The following IGSF21 variants were observed in gnomAD, a reference collection of about 807,000 sequenced individuals.
The protein encoded by IGSF21 is immunoglobulin superfamily member 21.
IGSF21 carries 28 observed loss-of-function variants against 46.8 expected under a neutral mutation model. The observed-to-expected ratio is 0.60, with a 90% CI of 0.44 to 0.82. The LOEUF (loss-of-function observed/expected upper bound fraction) is 0.82, where lower values mean the gene tolerates loss of function less well. Ranked by LOEUF, IGSF21 falls within the 40% of genes least tolerant of loss-of-function variation. The pLI, the probability that IGSF21 is intolerant of heterozygous loss-of-function variation, is 0.00. For synonymous variants in IGSF21, 284 were observed against 273.6 expected (o/e 1.04, Z -0.38); for missense variants, 624 against 665.5 (o/e 0.94, Z 0.69).
intron 1 of IGSF21, among the ~76,000 whole-genome samples, chr1:18,125,462 C>T (rs182941848): frequency 7.9e-5 from 12 of 152,096 alleles, no homozygotes; most frequent in South Asian, 2.1e-4. Flanking sequence ...AGGACAGATA[C>T]GGCTACCTCG....
chr1:18,305,867 A>T (rs989498572), intron 3 of IGSF21, among the ~76,000 whole-genome samples: 48 of 152,328 alleles, frequency 3.2e-4, no homozygotes, highest in African/African-American at 9.6e-4. Context: ...AAGGAAGGAG[A>T]TGATCGGACA....
At chr1:18,180,212 G>A (rs2086843164) in intron 1 of IGSF21, among the ~76,000 whole-genome samples, 1 of 152,246 alleles carries the variant, frequency 6.6e-6, no homozygotes, top group South Asian at 2.1e-4. Flanking sequence ...GTGGCGAGGT[G>A]TAGATGTTTA....
intron 1 of IGSF21, among the ~76,000 whole-genome samples, chr1:18,204,877 G>T (rs1185788143): frequency 6.6e-6 from 1 of 152,156 alleles, no homozygotes; most frequent in African/African-American, 2.4e-5. Flanking sequence ...GACTTGCAGA[G>T]AAAAACTACT....
intron 4 of IGSF21, among the ~76,000 whole-genome samples, chr1:18,357,537 G>A (rs1374759428): frequency 6.6e-6 from 1 of 151,202 alleles, no homozygotes; most frequent in Non-Finnish European, 1.5e-5. Flanking sequence ...AGTGGGGTGG[G>A]AATAGGAATA....
rs527735446 is a variant in IGSF21 at position 18,163,050 on chromosome 1, C to A, written c.70+54852C>A. Among the ~76,000 whole-genome samples the A allele has an allele frequency of 1.1e-4, 17 of 152,136 alleles. 1 individual carries two copies. Among genetic ancestry groups the A allele is most frequent in the Middle Eastern group, 6.8e-3 (2 of 294 alleles). On this transcript the variant is annotated intron_variant, in intron 1 of 9. Transcript: ENST00000251296. ...GACATGGGGAGGTTAAATTAATCCCCAGTCATTCTAGGGTGATTCTTCTGA... is the reference window on the plus strand; with the variant it reads ...GACATGGGGAGGTTAAATTAATCCCAAGTCATTCTAGGGTGATTCTTCTGA...
intron 1 of IGSF21, among the ~76,000 whole-genome samples, chr1:18,213,674 A>G (rs1285703353): frequency 6.6e-6 from 1 of 152,266 alleles, no homozygotes. Context: ...TCTGGGCAAC[A>G]CACACACAGC....
At chr1:18,361,479 C>G (rs929829090) in intron 4 of IGSF21, 8 of 152,402 alleles carry the variant, frequency 5.2e-5, no homozygotes, top group South Asian at 2.1e-4. Context: ...AAGTCATAAT[C>G]CCCCTGACAG....
chr1:18,269,216 G>C (rs140581235), intron 2 of IGSF21, among the ~76,000 whole-genome samples: 6 of 152,168 alleles, frequency 3.9e-5, no homozygotes, highest in Admixed American at 3.9e-4. Flanking sequence ...GGTGAGGGTG[G>C]CTGCTGATGC....
intron 7 of IGSF21, 135 bp downstream of exon 7, chr1:18,376,530 A>T: frequency 1.3e-6 from 1 of 773,454 alleles, no homozygotes. Context: ...TCAGTTTCCC[A>T]ATGTGTAATT....
chr1:18,313,419 CA>C (rs2085508686), intron 3 of IGSF21, among the ~76,000 whole-genome samples: 1 of 152,224 alleles, frequency 6.6e-6, no homozygotes, highest in East Asian at 1.9e-4. Context: ...GAATCCTAGG[CA>C]AGTCACTCAT....
chr1:18,291,621 A>C (rs1016484516), intron 2 of IGSF21, among the ~76,000 whole-genome samples: 1 of 152,158 alleles, frequency 6.6e-6, no homozygotes, highest in Admixed American at 6.5e-5. Flanking sequence ...TTCCTGCCGC[A>C]GGGCCTTTGC....
At chr1:18,228,213 G>T (rs1402595908) in intron 2 of IGSF21, among the ~76,000 whole-genome samples, 1 of 152,078 alleles carries the variant, frequency 6.6e-6, no homozygotes, top group Non-Finnish European at 1.5e-5. Flanking sequence ...GGACTGATCT[G>T]GTTTCCACCT....
intron 6 of IGSF21, among the ~76,000 whole-genome samples, chr1:18,375,643 G>A (rs2086272895): frequency 6.6e-6 from 1 of 152,202 alleles, no homozygotes; most frequent in South Asian, 2.1e-4. Flanking sequence ...CCCACACCAT[G>A]TCCACCCCTA....
chr1:18,164,989 G>T (rs1292405920), intron 1 of IGSF21, among the ~76,000 whole-genome samples: 1 of 148,970 alleles, frequency 6.7e-6, no homozygotes, highest in Non-Finnish European at 1.5e-5. Context: ...GCGGTGTTTG[G>T]TTTTTTGTCC....
At chr1:18,206,940 T>C (rs1478129810) in intron 1 of IGSF21, among the ~76,000 whole-genome samples, 1 of 152,204 alleles carries the variant, frequency 6.6e-6, no homozygotes, top group Non-Finnish European at 1.5e-5. Flanking sequence ...TTTCTCACAG[T>C]TCTGTAGCTT....
intron 6 of IGSF21, among the ~76,000 whole-genome samples, chr1:18,373,305 G>C (rs1239270859): frequency 6.6e-6 from 1 of 152,186 alleles, no homozygotes; most frequent in Non-Finnish European, 1.5e-5. Context: ...GGAAAGTCCG[G>C]AGACTAAGAG....
At chr1:18,257,395 A>G (rs950070940) in intron 2 of IGSF21, among the ~76,000 whole-genome samples, 1 of 152,188 alleles carries the variant, frequency 6.6e-6, no homozygotes, top group Non-Finnish European at 1.5e-5. Context: ...ATGGCAATAC[A>G]TTACTCTTTA....
At chr1:18,117,414 G>A (rs2086197683) in intron 1 of IGSF21, among the ~76,000 whole-genome samples, 1 of 152,210 alleles carries the variant, frequency 6.6e-6, no homozygotes. Context: ...CAATGGGCAT[G>A]GGCTTTGTAG....
chr1:18,360,479 A>AT (rs1246502944), intron 4 of IGSF21, among the ~76,000 whole-genome samples: 1 of 152,072 alleles, frequency 6.6e-6, no homozygotes, highest in East Asian at 1.9e-4. Context: ...CTGTTTCATC[A>AT]TTGGGCACCT....
Sources: gnomAD v4.1 joint callset for allele counts (sites outside exome capture counted in the v4.1 genomes callset) on GRCh38, gnomAD v4.1.1 for gene constraint, MANE v1.5 for transcripts, NCBI Gene and HGNC (gene_info 2026-07-23, HGNC 2026-07-21) for gene names.